GRM7: variants seen among roughly 807,000 people sequenced by gnomAD.
GRM7 encodes glutamate metabotropic receptor 7.
In GRM7, 35 loss-of-function variants were observed where a neutral mutation model predicts 84.5. That is an observed-to-expected ratio of 0.41 (90% CI 0.32 to 0.55). The LOEUF is 0.55. GRM7 is among the 20% of genes least tolerant of loss of function. The pLI is 0.19. For missense variants in GRM7, 1,003 were observed against 1,194.6 expected (o/e 0.84, Z 2.36); for synonymous variants, 487 against 455.1 (o/e 1.07, Z -0.89).
chr3:7,714,726 T>G (rs991918457), intron 9 of GRM7, among the ~76,000 whole-genome samples: 1 of 152,198 alleles, frequency 6.6e-6, no homozygotes, highest in Non-Finnish European at 1.5e-5. Context: ...GCACGTAATT[T>G]CCTCTGTGGA....
chr3:7,650,245 A>T (rs576031826), intron 8 of GRM7, among the ~76,000 whole-genome samples: 6 of 152,230 alleles, frequency 3.9e-5, no homozygotes, highest in Non-Finnish European at 7.3e-5. Flanking sequence ...ACTCTCAGGT[A>T]TGAATTCTGG....
At chr3:7,180,054 C>T (rs11919396) in intron 2 of GRM7, among the ~76,000 whole-genome samples, 51,321 of 151,948 alleles carry the variant, frequency 0.34, 9,400 homozygotes, top group African/African-American at 0.48. Context: ...AATTTTCTTT[C>T]AACCTTCTTT....
intron 4 of GRM7, among the ~76,000 whole-genome samples, chr3:7,314,663 A>G (rs1224958343): frequency 6.6e-6 from 1 of 151,714 alleles, no homozygotes; most frequent in Non-Finnish European, 1.5e-5. Context: ...TTTTTTTCCT[A>G]TTTTCACTTA....
intron 4 of GRM7, among the ~76,000 whole-genome samples, chr3:7,353,444 A>T (rs1575208538): frequency 1.3e-5 from 2 of 152,022 alleles, no homozygotes; most frequent in African/African-American, 4.8e-5. Flanking sequence ...AAGTTAAAAA[A>T]CTTAGTTTAT....
At chr3:7,227,581 A>G (rs776176610) in intron 2 of GRM7, among the ~76,000 whole-genome samples, 1 of 152,208 alleles carries the variant, frequency 6.6e-6, no homozygotes, top group Admixed American at 6.5e-5. Flanking sequence ...TGCCTACCTC[A>G]TGTGGCTGTT....
chr3:7,692,813 G>A (rs999287618), intron 9 of GRM7, among the ~76,000 whole-genome samples: 3 of 152,074 alleles, frequency 2.0e-5, no homozygotes, highest in Non-Finnish European at 2.9e-5. Flanking sequence ...AGGGTAAAAT[G>A]TCTCAGTCTA....
At chr3:7,716,341 C>T (rs747558841) in intron 9 of GRM7, among the ~76,000 whole-genome samples, 2 of 152,162 alleles carry the variant, frequency 1.3e-5, no homozygotes, top group Non-Finnish European at 2.9e-5. Flanking sequence ...GGCTGGGATA[C>T]AATTAGTGCC....
At chr3:7,427,561 C>G (rs929326379) in intron 5 of GRM7, among the ~76,000 whole-genome samples, 24 of 152,088 alleles carry the variant, frequency 1.6e-4, no homozygotes, top group African/African-American at 5.3e-4. Context: ...AAGTTTTACA[C>G]TGAAGATTTT....
chr3:6,883,615 A>G (rs1038760514), intron 1 of GRM7, among the ~76,000 whole-genome samples: 1 of 152,202 alleles, frequency 6.6e-6, no homozygotes, highest in Non-Finnish European at 1.5e-5. Flanking sequence ...ACTCCATTGA[A>G]TATTGCCTTA....
chr3:7,531,601 G>C (rs1701038862), intron 7 of GRM7, among the ~76,000 whole-genome samples: 2 of 151,994 alleles, frequency 1.3e-5, no homozygotes, highest in East Asian at 1.9e-4. Flanking sequence ...CTCATGATTT[G>C]GCTCTCTATT....
chr3:7,231,686 C>G (rs1200342898), intron 2 of GRM7, among the ~76,000 whole-genome samples: 1 of 152,132 alleles, frequency 6.6e-6, no homozygotes, highest in Non-Finnish European at 1.5e-5. Flanking sequence ...CACAACATCT[C>G]TATGAGATAG....
chr3:7,252,712 T>C lies in GRM7; in HGVS notation c.737-45972T>C, dbSNP rs187306946. On this transcript the variant is annotated intron_variant, in intron 2 of 9. Transcript: ENST00000357716. ...TTCTTTTCTTTTCTTTACTGTGAGA[T>C]GGAGTTTTGCTGTGTTGCCCAGCTG... Among the ~76,000 whole-genome samples the C allele has an allele frequency of 1.4e-3, 195 of 142,304 alleles. 3 individuals are homozygous for C. Among genetic ancestry groups the C allele is most frequent in the African/African-American group, 4.8e-3 (177 of 36,876 alleles). The allele number at this position is 142,304 out of a possible 152,430, so 93.4% of individuals were successfully genotyped here. A position where few individuals can be genotyped will look rare whatever the true frequency, so the allele number is the denominator to read the frequency against.
intron 1 of GRM7, among the ~76,000 whole-genome samples, chr3:6,882,734 GTATATAATGAGCATGATT>G (rs1695558602): frequency 6.6e-6 from 1 of 151,968 alleles, no homozygotes; most frequent in Admixed American, 6.6e-5. Context: ...TTGCTTATTA[GTATATAATGAGCATGATT>G]CCATGTCATT....
intron 3 of GRM7, among the ~76,000 whole-genome samples, chr3:7,300,345 A>G (rs1163951738): frequency 6.6e-6 from 1 of 152,186 alleles, no homozygotes; most frequent in African/African-American, 2.4e-5. Flanking sequence ...TCCATCTCCT[A>G]GTATAAAGCT....
chr3:7,563,928 T>C (rs1694147688), intron 7 of GRM7, among the ~76,000 whole-genome samples: 1 of 152,162 alleles, frequency 6.6e-6, no homozygotes, highest in Non-Finnish European at 1.5e-5. Flanking sequence ...CCTCCTGGGC[T>C]TACATTCAGG....
intron 2 of GRM7, among the ~76,000 whole-genome samples, chr3:7,177,768 A>G (rs887274535): frequency 1.3e-5 from 2 of 152,208 alleles, no homozygotes; most frequent in Non-Finnish European, 2.9e-5. Context: ...TTCTTAATGT[A>G]TGTGCTTAGG....
At chr3:7,015,125 C>T (rs1226612965) in intron 1 of GRM7, among the ~76,000 whole-genome samples, 2 of 151,528 alleles carry the variant, frequency 1.3e-5, no homozygotes, top group African/African-American at 4.9e-5. Context: ...ATAAAGCTGC[C>T]CTACACCCCA....
intron 2 of GRM7, among the ~76,000 whole-genome samples, chr3:7,280,285 C>A (rs1508719): frequency 6.6e-6 from 1 of 152,166 alleles, no homozygotes; most frequent in Non-Finnish European, 1.5e-5. Flanking sequence ...AAACAGTACA[C>A]CTGAGTTAAA....
At chr3:7,441,452 C>A (rs1697283377) in intron 5 of GRM7, among the ~76,000 whole-genome samples, 2 of 151,960 alleles carry the variant, frequency 1.3e-5, no homozygotes, top group South Asian at 4.2e-4. Context: ...TCTGTTTACT[C>A]CATTGATGGT....
Sources: gnomAD v4.1 joint callset for allele counts (sites outside exome capture counted in the v4.1 genomes callset) on GRCh38, gnomAD v4.1.1 for gene constraint, MANE v1.5 for transcripts, NCBI Gene and HGNC (gene_info 2026-07-23, HGNC 2026-07-21) for gene names.